SRGAP3: variants seen among roughly 807,000 people sequenced by gnomAD.
The protein encoded by SRGAP3 is SLIT-ROBO Rho GTPase-activating protein 3.
Under a neutral mutation model 121.1 loss-of-function variants are expected in SRGAP3, and 39 were observed. The observed-to-expected ratio is 0.32, with a 90% CI of 0.25 to 0.42. The LOEUF is 0.42. Among genes scored for constraint, SRGAP3 ranks in the 10% least tolerant of loss-of-function variants. The probability of loss-of-function intolerance (pLI) is 1.00; values close to 1 mark genes in which losing one functional copy is unlikely to be tolerated. For synonymous variants in SRGAP3, 601 were observed against 570.0 expected (o/e 1.05, Z -0.77); for missense variants, 1,213 against 1,470.6 (o/e 0.82, Z 2.86).
chr3:9,263,818 T>C (rs950235195), intron 3 of SRGAP3, among the ~76,000 whole-genome samples: 1 of 152,206 alleles, frequency 6.6e-6, no homozygotes, highest in African/African-American at 2.4e-5. Flanking sequence ...CCATTTCTTC[T>C]GAAACTATTC....
rs751290333 is a variant in SRGAP3 at position 9,248,868 on chromosome 3, C to A, written c.67+17G>T. On this transcript the variant is annotated intron_variant, in intron 1 of 21. Coordinates refer to ENST00000383836, the MANE Select transcript of SRGAP3 (RefSeq NM_014850.4). ...GAAAGGGGAGGAGAAGGAAAACTCT[C>A]CCAGCCCGCATCTCACCTTTTATTT... is the stretch of plus-strand genomic sequence containing the variant. 7 of 1,613,988 alleles carry A rather than the reference C, an allele frequency of 4.3e-6. No homozygotes were observed. Among genetic ancestry groups the A allele is most frequent in the Non-Finnish European group, 5.9e-6 (7 of 1,179,824 alleles).
intron 1 of SRGAP3, chr3:9,194,014 C>T (rs949695055): frequency 6.6e-6 from 1 of 152,304 alleles, no homozygotes; most frequent in Admixed American, 6.5e-5. Context: ...CTTCCATCCT[C>T]GGAGCCTTCC....
chr3:9,126,774 G>T (rs576760298), intron 1 of SRGAP3, among the ~76,000 whole-genome samples: 1 of 152,038 alleles, frequency 6.6e-6, no homozygotes. Context: ...ACTCAGAAGG[G>T]TGAGGGGGTG....
intron 4 of SRGAP3, among the ~76,000 whole-genome samples, chr3:9,068,129 T>C (rs558818070): frequency 6.6e-6 from 1 of 152,318 alleles, no homozygotes; most frequent in East Asian, 1.9e-4. Flanking sequence ...CTGCGTTCAA[T>C]GATTCCTGCT....
intron 3 of SRGAP3, among the ~76,000 whole-genome samples, chr3:9,275,854 C>A (rs1362726963): frequency 6.6e-6 from 1 of 152,138 alleles, no homozygotes; most frequent in African/African-American, 2.4e-5. Context: ...CTCCACAGGT[C>A]TCCTGAAAGG....
At chr3:9,240,473 C>T (rs956904191) in intron 1 of SRGAP3, among the ~76,000 whole-genome samples, 4 of 152,140 alleles carry the variant, frequency 2.6e-5, no homozygotes, top group African/African-American at 4.8e-5. Context: ...AATCCTTACC[C>T]GGCTAGACAC....
At chr3:9,044,040 C>T (rs896082539) in intron 10 of SRGAP3, among the ~76,000 whole-genome samples, 1 of 152,242 alleles carries the variant, frequency 6.6e-6, no homozygotes, top group African/African-American at 2.4e-5. Flanking sequence ...TCCCGAGAAG[C>T]GCCAGTGACA....
chr3:8,985,786 A>T lies in SRGAP3; in HGVS notation c.3033T>A (p.Ser1011Arg), dbSNP rs746183774. 1 of 1,599,814 alleles carries T rather than the reference A, an allele frequency of 6.3e-7. No individual in the cohort carries two copies. Among genetic ancestry groups the T allele is most frequent in the Non-Finnish European group, 8.5e-7 (1 of 1,179,718 alleles). ...CGCGGATGACGATGGTGTGAAGGGGACTGGCGGGCTCCGAGCTGACGGGGC... is the reference window on the plus strand; with the variant it reads ...CGCGGATGACGATGGTGTGAAGGGGTCTGGCGGGCTCCGAGCTGACGGGGC... The part of the protein sequence containing the change: ...PPGPVSSEPA[S>R]PLHTIVIRDP... Residue 1011 changes from serine (S) to arginine (R), a missense_variant, in exon 22 of 22, where the codon AGT (serine) becomes AGA (arginine). Ser to Arg is a moderately radical substitution (Grantham distance 110). Coordinates refer to ENST00000383836, the MANE Select transcript of SRGAP3 (RefSeq NM_014850.4). The surrounding 1 kb of genome is among the most constrained non-coding windows in gnomAD (Gnocchi z 5.1).
intron 3 of SRGAP3, among the ~76,000 whole-genome samples, chr3:9,290,296 A>G (rs769345440): frequency 2.6e-5 from 4 of 152,094 alleles, no homozygotes; most frequent in Non-Finnish European, 5.9e-5. Context: ...CAACAGGAGG[A>G]TAAGTCAAGG....
intron 2 of SRGAP3, among the ~76,000 whole-genome samples, chr3:9,122,182 AG>A (rs1949030662): frequency 6.6e-6 from 1 of 152,256 alleles, no homozygotes; most frequent in South Asian, 2.1e-4. Context: ...TTAAAAGACA[AG>A]GGAGAAATGA....
intron 1 of SRGAP3, among the ~76,000 whole-genome samples, chr3:9,224,265 G>A (rs1342396215): frequency 1.3e-5 from 2 of 152,180 alleles, no homozygotes; most frequent in African/African-American, 2.4e-5. Context: ...AGGCTGAGCC[G>A]GTCAGGACCC....
At chr3:9,202,042 G>A (rs113661975) in intron 1 of SRGAP3, among the ~76,000 whole-genome samples, 83 of 151,756 alleles carry the variant, frequency 5.5e-4, no homozygotes, top group African/African-American at 1.9e-3. Context: ...CAGTGAAGCC[G>A]GTTTCTTTGG....
chr3:9,098,918 G>A (rs1029430069), intron 3 of SRGAP3, among the ~76,000 whole-genome samples: 9 of 152,100 alleles, frequency 5.9e-5, no homozygotes, highest in Admixed American at 3.9e-4. Context: ...CCTGGGAGAC[G>A]GTGGAGATTG....
chr3:8,985,974 T>C lies in SRGAP3; in HGVS notation c.2887-42A>G, dbSNP rs753752187. On this transcript the variant is annotated intron_variant, in intron 21 of 21. Transcript: ENST00000383836. The surrounding 1 kb of genome is among the most constrained non-coding windows in gnomAD (Gnocchi z 5.1). Reference sequence around the variant, plus strand: ...CTGGGGTCAGCACAGTCTGGAGACCTGGAGTCAGGTCCTTCCTGTCTGCTA... The same window carrying C: ...CTGGGGTCAGCACAGTCTGGAGACCCGGAGTCAGGTCCTTCCTGTCTGCTA... 3 of 1,599,298 alleles carry C rather than the reference T, an allele frequency of 1.9e-6. No individual in the cohort carries two copies. Among genetic ancestry groups the C allele is most frequent in the Admixed American group, 1.7e-5 (1 of 59,996 alleles).
intron 17 of SRGAP3, 82 bp from the exon 18 acceptor site, chr3:9,010,469 T>C (rs907904316): frequency 2.0e-6 from 3 of 1,537,822 alleles, no homozygotes; most frequent in Non-Finnish European, 2.7e-6. Context: ...GCCAGTCCAG[T>C]TGGCCTCTGG....
At chr3:9,054,766 T>A (rs980048227) in intron 8 of SRGAP3, among the ~76,000 whole-genome samples, 4 of 152,248 alleles carry the variant, frequency 2.6e-5, no homozygotes, top group African/African-American at 9.6e-5. Flanking sequence ...GAGGAGGTGC[T>A]ATGGTGCGTT....
At chr3:9,099,918 G>A (rs1948148128) in intron 3 of SRGAP3, among the ~76,000 whole-genome samples, 1 of 152,208 alleles carries the variant, frequency 6.6e-6, no homozygotes, top group South Asian at 2.1e-4. Flanking sequence ...AGCCAAGTAA[G>A]GTAAAATACG....
intron 1 of SRGAP3, among the ~76,000 whole-genome samples, chr3:9,233,853 T>C (rs1468461045): frequency 1.3e-5 from 2 of 152,220 alleles, no homozygotes; most frequent in African/African-American, 2.4e-5. Context: ...ATAAAGTCTG[T>C]GCGGGCAGGG....
Position 8,985,409 on chromosome 3 carries a change from A to C in SRGAP3, c.*110T>G, listed in dbSNP as rs1334019072. 3 of 1,537,134 alleles carry C rather than the reference A, an allele frequency of 2.0e-6. No individual in the cohort carries two copies. The highest frequency in any genetic ancestry group is 2.6e-6 in the Non-Finnish European group (3 of 1,149,342). On this transcript the variant is annotated 3_prime_UTR_variant, in exon 22 of 22. Transcript: ENST00000383836. This position sits in a 1 kb window ranked among gnomAD's most constrained non-coding sequence, Gnocchi z 5.1. ...TGCACAGACACACCCTCCCAGACGG[A>C]CCTCTGCCCTCCAAGGCCAGGGTCA...
Sources: allele counts gnomAD v4.1 joint callset (sites outside exome capture counted in the v4.1 genomes callset), GRCh38; gene constraint gnomAD v4.1.1; non-coding constraint Gnocchi (gnomAD v3.1); transcripts MANE v1.5; gene names NCBI Gene and HGNC (gene_info 2026-07-23, HGNC 2026-07-21).